FAF1: variants seen among roughly 807,000 people sequenced by gnomAD.
FAF1 encodes the protein Fas associated factor 1.
In FAF1, 25 loss-of-function variants were observed where a neutral mutation model predicts 92.5. The observed-to-expected ratio is 0.27, with a 90% CI of 0.20 to 0.38. The LOEUF (loss-of-function observed/expected upper bound fraction) is 0.38. FAF1 is among the 10% of genes least tolerant of loss of function. FAF1 has a pLI of 1.00. For synonymous variants in FAF1, 234 were observed against 273.2 expected, an observed-to-expected ratio of 0.86 and a Z score of 1.42; for missense variants, 636 against 793.3, an observed-to-expected ratio of 0.80 and a Z score of 2.38.
Position 50,857,966 on chromosome 1 carries a change from G to C in FAF1, c.77C>G (p.Ala26Gly), listed in dbSNP as rs1644403206. 1 of 1,602,300 alleles carries C rather than the reference G, an allele frequency of 6.2e-7. No individual in the cohort carries two copies. The highest frequency in any genetic ancestry group is 8.5e-7 in the Non-Finnish European group (1 of 1,174,102). ...ATTATTTTGTTCAAGCAATGTAATA[G>C]CTTCGTCAATGTTTTCAATGCCAGT... ...ACTGIENIDE[A>G]ITLLEQNNWD... The change falls in exon 2 of 19, where the codon GCT (alanine) becomes GGT (glycine). Residue 26 changes from alanine to glycine, a missense_variant. Ala to Gly is a moderately conservative substitution (Grantham distance 60). Transcript: ENST00000396153.
chr1:50,798,084 A>G (rs1033815220), intron 3 of FAF1, among the ~76,000 whole-genome samples: 4 of 152,106 alleles, frequency 2.6e-5, no homozygotes, highest in Non-Finnish European at 5.9e-5. Flanking sequence ...AAAAAAAAAA[A>G]AACTCCGCAT....
At chr1:50,505,943 T>C (rs1303134435) in intron 15 of FAF1, among the ~76,000 whole-genome samples, 2 of 152,212 alleles carry the variant, frequency 1.3e-5, no homozygotes, top group Non-Finnish European at 2.9e-5. Flanking sequence ...GTAACTAATC[T>C]GTTCATTACA....
chr1:50,874,758 C>CTTTTTTTTTTT (rs755424291), intron 1 of FAF1, among the ~76,000 whole-genome samples: 39 of 67,230 alleles, frequency 5.8e-4, no homozygotes, highest in Non-Finnish European at 8.2e-4. Flanking sequence ...TCTTTTCTTT[C>CTTTTTTTTTTT]TTTTTTTTTT....
Position 50,445,438 on chromosome 1 carries a change from C to T in FAF1, c.1870-3915G>A, listed in dbSNP as rs912055992. 7.2e-5 allele frequency among the ~76,000 whole-genome samples: 11 copies of T among 152,102 alleles called. 1 individual carries two copies. In the South Asian group the frequency reaches 2.3e-3, roughly 32 times the overall value. ...CAAGGCAGTCTAGATTTGGAACCCG[C>T]TACATTACATTTTCAGAGATATTGC... On this transcript the variant is annotated intron_variant, in intron 18 of 18. Transcript: ENST00000396153.
intron 2 of FAF1, among the ~76,000 whole-genome samples, chr1:50,808,698 C>G (rs1662304832): frequency 6.6e-6 from 1 of 151,646 alleles, no homozygotes; most frequent in Admixed American, 6.6e-5. Flanking sequence ...ACTGCTTTAG[C>G]TATATCCCAG....
At chr1:50,577,473 C>T (rs1006044090) in intron 12 of FAF1, among the ~76,000 whole-genome samples, 5 of 152,080 alleles carry the variant, frequency 3.3e-5, no homozygotes, top group Non-Finnish European at 5.9e-5. Context: ...TGCAGTGAGC[C>T]GAGATGGCGC....
At chr1:50,683,174 A>G (rs1656501508) in intron 7 of FAF1, among the ~76,000 whole-genome samples, 1 of 152,184 alleles carries the variant, frequency 6.6e-6, no homozygotes, top group South Asian at 2.1e-4. Context: ...AAAAAAACAT[A>G]TATACATCAT....
At chr1:50,536,115 TTTC>T (rs1397542801) in intron 14 of FAF1, among the ~76,000 whole-genome samples, 1 of 152,194 alleles carries the variant, frequency 6.6e-6, no homozygotes, top group African/African-American at 2.4e-5. Flanking sequence ...GAAAAAAAGA[TTTC>T]TTTTTTTGCC....
intron 1 of FAF1, among the ~76,000 whole-genome samples, chr1:50,889,832 G>A (rs542905981): frequency 1.9e-3 from 293 of 152,324 alleles, no homozygotes; most frequent in South Asian, 5.0e-3. Flanking sequence ...TGAGAAGAAT[G>A]TATATTCTGT....
chr1:50,863,128 C>G (rs957243974), intron 1 of FAF1, among the ~76,000 whole-genome samples: 5 of 151,466 alleles, frequency 3.3e-5, no homozygotes, highest in African/African-American at 1.2e-4. Flanking sequence ...AAATGAGTTC[C>G]AATCAATTTA....
At chr1:50,592,937 C>CAAAA (rs1374336185) in intron 9 of FAF1, among the ~76,000 whole-genome samples, 2 of 92,304 alleles carry the variant, frequency 2.2e-5, no homozygotes, top group Non-Finnish European at 4.7e-5. Flanking sequence ...GACTCTGTTT[C>CAAAA]AAAAAAAAAA....
At chr1:50,510,880 G>A (rs1339534958) in intron 15 of FAF1, among the ~76,000 whole-genome samples, 2 of 151,972 alleles carry the variant, frequency 1.3e-5, no homozygotes, top group Non-Finnish European at 2.9e-5. Flanking sequence ...CCAAAGTATT[G>A]TTATTAGTCT....
At chr1:50,723,603 C>T (rs1226605303) in intron 6 of FAF1, among the ~76,000 whole-genome samples, 2 of 152,182 alleles carry the variant, frequency 1.3e-5, no homozygotes, top group Admixed American at 6.5e-5. Flanking sequence ...GAAAAAGCCA[C>T]ACTGTATGAA....
At chr1:50,763,985 C>T (rs1660462155) in intron 4 of FAF1, among the ~76,000 whole-genome samples, 1 of 152,134 alleles carries the variant, frequency 6.6e-6, no homozygotes, top group African/African-American at 2.4e-5. Flanking sequence ...TCTTTATATA[C>T]TTCAACAGAA....
Position 50,960,189 on chromosome 1 carries a change from C to T in FAF1, c.-378G>A. 1 of 311,504 alleles carries T rather than the reference C, an allele frequency of 3.2e-6. No individual in the cohort carries two copies. Among genetic ancestry groups the T allele is most frequent in the Non-Finnish European group, 5.9e-6 (1 of 168,732 alleles). The allele number at this position is 311,504 out of a possible 1,614,324, so 19.3% of individuals were successfully genotyped here. On this transcript the variant is annotated 5_prime_UTR_variant, in exon 1 of 19. Transcript: ENST00000396153. ...GCCCGGCGGGGGCGGGGAAACCGAG[C>T]GAGCGAGCGGGCGGGCGAACGCCGC...
chr1:50,748,865 G>A (rs1285557618), intron 4 of FAF1, among the ~76,000 whole-genome samples: 3 of 152,128 alleles, frequency 2.0e-5, no homozygotes, highest in Non-Finnish European at 1.5e-5. Context: ...AGAAGAGTGG[G>A]GGGAGAACTT....
intron 1 of FAF1, among the ~76,000 whole-genome samples, chr1:50,929,442 A>C (rs1364802234): frequency 6.6e-6 from 1 of 152,230 alleles, no homozygotes; most frequent in Non-Finnish European, 1.5e-5. Context: ...TTGGTTGATA[A>C]AATTGTATTC....
intron 8 of FAF1, among the ~76,000 whole-genome samples, chr1:50,637,777 AT>A (rs1183114958): frequency 1.3e-5 from 2 of 150,170 alleles, no homozygotes; most frequent in African/African-American, 4.9e-5. Context: ...CAATTTACCC[AT>A]TTTTTCCCTC....
chr1:50,456,222 A>T (rs957950375), intron 18 of FAF1, among the ~76,000 whole-genome samples: 1 of 152,138 alleles, frequency 6.6e-6, no homozygotes, highest in Non-Finnish European at 1.5e-5. Flanking sequence ...CCTCCTGAGT[A>T]GCAGGGACTA....
Sources: allele counts gnomAD v4.1 joint callset (sites outside exome capture counted in the v4.1 genomes callset), GRCh38; gene constraint gnomAD v4.1.1; transcripts MANE v1.5; gene names NCBI Gene and HGNC (gene_info 2026-07-23, HGNC 2026-07-21).